The following C1GALT1C1L variants were observed in gnomAD, a reference collection of about 807,000 sequenced individuals.
The protein encoded by C1GALT1C1L is C1GALT1 specific chaperone 1 like.
Under a neutral mutation model 0.5 loss-of-function variants are expected in C1GALT1C1L, and 1 was observed. The ratio of observed to expected loss-of-function variants is 2.11; its 90% CI spans 0.75 to 10.02. C1GALT1C1L has a LOEUF of 10.02. C1GALT1C1L is among the 30% of genes most tolerant of loss of function. The pLI is 0.13. For synonymous variants in C1GALT1C1L, 148 were observed against 132.6 expected, an observed-to-expected ratio of 1.12 and a Z score of -0.80; for missense variants, 444 against 375.5, an observed-to-expected ratio of 1.18 and a Z score of -1.51.
At position 43,676,224 on chromosome 2, in the gene C1GALT1C1L, G is replaced by T; in HGVS notation, c.99C>A (p.His33Gln). ...ITMFGQIHIRHRGQTQDHEHH... is the reference protein window; with the variant it reads ...ITMFGQIHIRQRGQTQDHEHH... Reference sequence around the variant, plus strand: ...GCTCGTGGTCTTGAGTTTGACCTCTGTGTCGAATGTGAATTTGGCCAAACA... The same window carrying T: ...GCTCGTGGTCTTGAGTTTGACCTCTTTGTCGAATGTGAATTTGGCCAAACA... Residue 33 changes from histidine to glutamine, a missense_variant, in exon 1 of 1, where the codon CAC (histidine) becomes CAA (glutamine). Coordinates refer to ENST00000475092, the MANE Select transcript of C1GALT1C1L (RefSeq NM_001101330.3). The T allele has an allele frequency of 6.2e-7, 1 of 1,613,998 alleles. No homozygotes were observed. The highest frequency in any genetic ancestry group is 8.5e-7 in the Non-Finnish European group (1 of 1,179,880).
At position 43,675,266 on chromosome 2, in the gene C1GALT1C1L, A is replaced by T; in HGVS notation, c.*109T>A. The T allele has an allele frequency of 1.6e-6, 1 of 616,478 alleles. No homozygotes were observed. The allele number at this position is 616,478 out of a possible 1,614,324, so 38.2% of individuals were successfully genotyped here. ...CATCTTCATACTGTTTTCTAATAATATATGAATTATTGAATGAAGTACGTA... is the reference window on the plus strand; with the variant it reads ...CATCTTCATACTGTTTTCTAATAATTTATGAATTATTGAATGAAGTACGTA... On this transcript the variant is annotated 3_prime_UTR_variant, in exon 1 of 1. Coordinates refer to ENST00000475092, the MANE Select transcript of C1GALT1C1L (RefSeq NM_001101330.3).
chr2:43,676,222 C>T lies in C1GALT1C1L; in HGVS notation c.101G>A (p.Arg34Lys), dbSNP rs367551441. The T allele has an allele frequency of 5.6e-6, 9 of 1,613,888 alleles. No homozygotes were observed. The highest frequency in any genetic ancestry group is 1.3e-5 in the African/African-American group (1 of 74,922). ...TMFGQIHIRHRGQTQDHEHHH... is the reference protein window; with the variant it reads ...TMFGQIHIRHKGQTQDHEHHH... ...GTGCTCGTGGTCTTGAGTTTGACCT[C>T]TGTGTCGAATGTGAATTTGGCCAAA... Residue 34 changes from arginine (R) to lysine (K), a missense_variant, in exon 1 of 1, where the codon AGA (arginine) becomes AAA (lysine). Arg to Lys is a conservative substitution (Grantham distance 26). Transcript: ENST00000475092.
Position 43,676,197 on chromosome 2 carries a change from G to A in C1GALT1C1L, c.126C>T (p.His42=), listed in dbSNP as rs752748567. ...TCCTGTTAGGTGGACGAAGGTGATG[G>A]TGCTCGTGGTCTTGAGTTTGACCTC... The part of the protein sequence containing the change: ...RHRGQTQDHE[H]HHLRPPNRND... The change falls in exon 1 of 1, where the codon CAC becomes CAT. Residue 42 remains histidine, a synonymous_variant. Coordinates refer to ENST00000475092, the MANE Select transcript of C1GALT1C1L (RefSeq NM_001101330.3). The A allele has an allele frequency of 6.2e-7, 1 of 1,614,020 alleles. No homozygotes were observed. The highest frequency in any genetic ancestry group is 1.1e-5 in the South Asian group (1 of 91,086).
rs370925278 is a variant in C1GALT1C1L at position 43,675,584 on chromosome 2, G to T, written c.739C>A (p.Pro247Thr). Residue 247 changes from proline to threonine, a missense_variant, in exon 1 of 1, where the codon CCA becomes ACA. By Grantham distance (38) the Pro-to-Thr change is conservative (BLOSUM62 -1). Transcript: ENST00000475092. ...YEGRDVFNTK[P>T]IAQLIEEALS... Reference sequence around the variant, plus strand: ...GCCTCTTCAATAAGCTGTGCGATTGGTTTTGTATTAAATACATCTCTTCCT... The same window carrying T: ...GCCTCTTCAATAAGCTGTGCGATTGTTTTTGTATTAAATACATCTCTTCCT... 183 of 1,613,640 alleles carry T rather than the reference G, an allele frequency of 1.1e-4. 1 individual carries two copies. The highest frequency in any genetic ancestry group is 9.9e-4 in the Middle Eastern group (6 of 6,060).
In C1GALT1C1L at chr2:43,676,131, G is replaced by A. The variant is rs759997691; in HGVS notation, c.192C>T (p.Leu64=). 12 of 1,613,980 alleles carry A rather than the reference G, an allele frequency of 7.4e-6. No individual in the cohort carries two copies. Among genetic ancestry groups the A allele is most frequent in the Admixed American group, 1.7e-5 (1 of 60,026 alleles). The change falls in exon 1 of 1, where the codon CTC becomes CTT. Residue 64 remains leucine, a synonymous_variant. Coordinates refer to ENST00000475092, the MANE Select transcript of C1GALT1C1L (RefSeq NM_001101330.3). Reference sequence around the variant, plus strand: ...TACAGAAAACACGAATACTTTTACTGAGCTCCAAGAGTATCACTTTTGAAG... The same window carrying A: ...TACAGAAAACACGAATACTTTTACTAAGCTCCAAGAGTATCACTTTTGAAG... ...LNTSKVILLE[L]SKSIRVFCII...
At chr2:43,675,671 T>A in the C1GALT1C1L span, 2 of 1,613,996 alleles carry the variant, frequency 1.2e-6, no homozygotes, top group Non-Finnish European at 1.7e-6. Context: ...GCCAGCTGCT[T>A]ATCTTCAGAT....
Position 43,675,158 on chromosome 2 carries a change from T to C in C1GALT1C1L, c.*217A>G, listed in dbSNP as rs1667677688. The stretch of plus-strand genomic sequence containing the variant: ...ATTAAAAAGCAGGTGAAATTAATTT[T>C]AATAGTATATTTTATTTAATGCAAA... On this transcript the variant is annotated 3_prime_UTR_variant, in exon 1 of 1. Transcript: ENST00000475092. 2 of 404,198 alleles carry C rather than the reference T, an allele frequency of 4.9e-6. No homozygotes were observed. Among genetic ancestry groups the C allele is most frequent in the Non-Finnish European group, 8.7e-6 (2 of 229,486 alleles). The allele number at this position is 404,198 out of a possible 1,614,324, so 25.0% of individuals were successfully genotyped here. A position where few individuals can be genotyped will look rare whatever the true frequency, so the allele number is the denominator to read the frequency against.
chr2:43,676,064 G>C lies in C1GALT1C1L; in HGVS notation c.259C>G (p.Leu87Val). The C allele has an allele frequency of 1.2e-6, 2 of 1,613,866 alleles. No homozygotes were observed. Among genetic ancestry groups the C allele is most frequent in the Non-Finnish European group, 1.7e-6 (2 of 1,179,850 alleles). The change falls in exon 1 of 1, where the codon CTG (leucine) becomes GTG (valine). Residue 87 changes from leucine to valine, a missense_variant. Coordinates refer to ENST00000475092, the MANE Select transcript of C1GALT1C1L (RefSeq NM_001101330.3). ...CAGTGTTTGGTCCAGGTCTCTTTCA[G>C]TACAGCCCAGTAACTCTCATCTTCG... ...ESEDESYWAV[L>V]KETWTKHCDK...
In C1GALT1C1L at chr2:43,675,293, TTTACAC is replaced by T. The variant is rs1667688430; in HGVS notation, c.*76_*81del. The stretch of plus-strand genomic sequence containing the variant: ...ATGAATTATTGAATGAAGTACGTAT[TTTACAC>T]TTACACTGTATCAGAATTTGGACTA... On this transcript the variant is annotated 3_prime_UTR_variant, in exon 1 of 1. Transcript: ENST00000475092. 1 of 879,830 alleles carries T rather than the reference TTTACAC, an allele frequency of 1.1e-6. No individual in the cohort carries two copies. Among genetic ancestry groups the T allele is most frequent in the Non-Finnish European group, 1.7e-6 (1 of 599,482 alleles). The allele number at this position is 879,830 out of a possible 1,614,324, so 54.5% of individuals were successfully genotyped here. A position where few individuals can be genotyped will look rare whatever the true frequency, so the allele number is the denominator to read the frequency against.
chr2:43,675,579 G>A lies in C1GALT1C1L; in HGVS notation c.744C>T (p.Ile248=). ...EGRDVFNTKP[I]AQLIEEALSN... ...ACAATGCCTCTTCAATAAGCTGTGCGATTGGTTTTGTATTAAATACATCTC... is the reference window on the plus strand; with the variant it reads ...ACAATGCCTCTTCAATAAGCTGTGCAATTGGTTTTGTATTAAATACATCTC... Residue 248 remains isoleucine, a synonymous_variant, in exon 1 of 1, where the codon ATC becomes ATT. Transcript: ENST00000475092. 1.2e-6 allele frequency: 2 copies of A among 1,613,652 alleles called. No homozygotes were observed. The highest frequency in any genetic ancestry group is 1.7e-6 in the Non-Finnish European group (2 of 1,179,746).
At position 43,676,417 on chromosome 2, in the gene C1GALT1C1L, G is replaced by C; in HGVS notation, c.-95C>G. ...TCCGGAGCTGGCGGCTGCGCTCCCG[G>C]TTGGGCCACTCTAGCTGCGGGAGGT... is the stretch of plus-strand genomic sequence containing the variant. On this transcript the variant is annotated 5_prime_UTR_variant, in exon 1 of 1. Transcript: ENST00000475092. The C allele has an allele frequency of 1.0e-6, 1 of 978,880 alleles. No homozygotes were observed. The highest frequency in any genetic ancestry group is 1.5e-6 in the Non-Finnish European group (1 of 674,412). The allele number at this position is 978,880 out of a possible 1,614,324, so 60.6% of individuals were successfully genotyped here. A position where few individuals can be genotyped will look rare whatever the true frequency, so the allele number is the denominator to read the frequency against.
Position 43,676,304 on chromosome 2 carries a change from T to A in C1GALT1C1L, c.19A>T (p.Thr7Ser), listed in dbSNP as rs1368515090. 1 of 1,609,562 alleles carries A rather than the reference T, an allele frequency of 6.2e-7. No homozygotes were observed. The highest frequency in any genetic ancestry group is 8.5e-7 in the Non-Finnish European group (1 of 1,177,898). MVSASG[T>S]SFFKGMLLGS... The stretch of plus-strand genomic sequence containing the variant: ...AGCAACATACCCTTAAAAAATGATG[T>A]CCCACTAGCGGAAACCATTTTCCAG... The change falls in exon 1 of 1, where the codon ACA (threonine) becomes TCA (serine). Residue 7 changes from threonine (T) to serine (S), a missense_variant. Coordinates refer to ENST00000475092, the MANE Select transcript of C1GALT1C1L (RefSeq NM_001101330.3).
Position 43,675,527 on chromosome 2 carries a change from C to T in C1GALT1C1L, c.796G>A (p.Gly266Ser). 6.2e-7 allele frequency: 1 copy of T among 1,613,978 alleles called. No homozygotes were observed. Among genetic ancestry groups the T allele is most frequent in the African/African-American group, 1.3e-5 (1 of 75,028 alleles). Residue 266 changes from glycine to serine, a missense_variant, in exon 1 of 1, where the codon GGC (glycine) becomes AGC (serine). By Grantham distance (56) the Gly-to-Ser change is moderately conservative. Coordinates refer to ENST00000475092, the MANE Select transcript of C1GALT1C1L (RefSeq NM_001101330.3). ...GTAATAGCCATATCTGAACAGCAGC[C>T]TTCTACTACTTGCTGAGGGTTATTA... ...LSNNPQQVVE[G>S]CCSDMAITFN...
rs1406620367 is a variant in C1GALT1C1L at position 43,675,743 on chromosome 2, T to G, written c.580A>C (p.Arg194=). The part of the protein sequence containing the change: ...GIVLSRELMK[R]LNRLLDNSET... The stretch of plus-strand genomic sequence containing the variant: ...GAGTTATCGAGAAGTCTGTTAAGTC[T>G]TTTCATCAACTCTCTGCTTAAGACA... Residue 194 remains arginine (R), a synonymous_variant, in exon 1 of 1, where the codon AGA becomes CGA. Transcript: ENST00000475092. 6.2e-7 allele frequency: 1 copy of G among 1,613,756 alleles called. No individual in the cohort carries two copies. Among genetic ancestry groups the G allele is most frequent in the South Asian group, 1.1e-5 (1 of 90,970 alleles).
Position 43,675,724 on chromosome 2 carries a change from T to C in C1GALT1C1L, c.599A>G (p.Asp200Gly). 6.2e-7 allele frequency: 1 copy of C among 1,613,932 alleles called. No homozygotes were observed. Among genetic ancestry groups the C allele is most frequent in the Non-Finnish European group, 8.5e-7 (1 of 1,179,882 alleles). ...TTGATCTGCACAGGTCTCAGAGTTATCGAGAAGTCTGTTAAGTCTTTTCAT... is the reference window on the plus strand; with the variant it reads ...TTGATCTGCACAGGTCTCAGAGTTACCGAGAAGTCTGTTAAGTCTTTTCAT... ...ELMKRLNRLL[D>G]NSETCADQSV... The change falls in exon 1 of 1, where the codon GAT becomes GGT. Residue 200 changes from aspartate (D) to glycine (G), a missense_variant. By Grantham distance (94) the Asp-to-Gly change is moderately conservative. Coordinates refer to ENST00000475092, the MANE Select transcript of C1GALT1C1L (RefSeq NM_001101330.3).
In C1GALT1C1L at chr2:43,675,346, G is replaced by C; in HGVS notation, c.*29C>G. On this transcript the variant is annotated 3_prime_UTR_variant, in exon 1 of 1. Coordinates refer to ENST00000475092, the MANE Select transcript of C1GALT1C1L (RefSeq NM_001101330.3). ...ACTAGCCACATTTCAAGTGCTCTTG[G>C]ACAGCACAGGTCTATTATTCTCCAG... 6.8e-7 allele frequency: 1 copy of C among 1,479,158 alleles called. No individual in the cohort carries two copies. The highest frequency in any genetic ancestry group is 9.1e-7 in the Non-Finnish European group (1 of 1,103,726). 91.6% of individuals were successfully genotyped at this position (1,479,158 alleles called of 1,614,324 possible).
Position 43,676,404 on chromosome 2 carries a change from G to T in C1GALT1C1L, c.-82C>A. The T allele has an allele frequency of 8.5e-7, 1 of 1,178,074 alleles. No individual in the cohort carries two copies. The highest frequency in any genetic ancestry group is 1.2e-6 in the Non-Finnish European group (1 of 847,910). The allele number at this position is 1,178,074 out of a possible 1,614,324, so 73.0% of individuals were successfully genotyped here. On this transcript the variant is annotated 5_prime_UTR_variant, in exon 1 of 1. Coordinates refer to ENST00000475092, the MANE Select transcript of C1GALT1C1L (RefSeq NM_001101330.3). ...GGGTCCCGCGCCTTCCGGAGCTGGCGGCTGCGCTCCCGGTTGGGCCACTCT... is the reference window on the plus strand; with the variant it reads ...GGGTCCCGCGCCTTCCGGAGCTGGCTGCTGCGCTCCCGGTTGGGCCACTCT...
chr2:43,675,274 T>G lies in C1GALT1C1L; in HGVS notation c.*101A>C. The G allele has an allele frequency of 3.0e-6, 2 of 665,018 alleles. No individual in the cohort carries two copies. The highest frequency in any genetic ancestry group is 1.8e-5 in the African/African-American group (1 of 55,290). The allele number at this position is 665,018 out of a possible 1,614,324, so 41.2% of individuals were successfully genotyped here. A position where few individuals can be genotyped will look rare whatever the true frequency, so the allele number is the denominator to read the frequency against. On this transcript the variant is annotated 3_prime_UTR_variant, in exon 1 of 1. Transcript: ENST00000475092. ...TACTGTTTTCTAATAATATATGAAT[T>G]ATTGAATGAAGTACGTATTTTACAC...
Position 43,675,873 on chromosome 2 carries a change from T to C in C1GALT1C1L, c.450A>G (p.Glu150=), listed in dbSNP as rs1224796277. 6.2e-7 allele frequency: 1 copy of C among 1,614,080 alleles called. No individual in the cohort carries two copies. The highest frequency in any genetic ancestry group is 1.1e-5 in the South Asian group (1 of 91,086). ...LALPTTFAVI[E]NLKYLLFTRD... ...TTGTAAACAAAAGGTACTTTAAATTTTCAATGACAGCAAACGTAGTGGGAA... is the reference window on the plus strand; with the variant it reads ...TTGTAAACAAAAGGTACTTTAAATTCTCAATGACAGCAAACGTAGTGGGAA... The change falls in exon 1 of 1, where the codon GAA becomes GAG. Residue 150 remains glutamate (E), a synonymous_variant. Transcript: ENST00000475092.
Sources: allele counts gnomAD v4.1 joint callset, GRCh38; gene constraint gnomAD v4.1.1; transcripts MANE v1.5; gene names NCBI Gene and HGNC (gene_info 2026-07-23, HGNC 2026-07-21).